Variants in LRCH3 observed in about 807,000 individuals in gnomAD.
LRCH3 encodes DISP complex protein LRCH3.
Under a neutral mutation model 104.5 loss-of-function variants are expected in LRCH3, and 68 were observed. The ratio of observed to expected loss-of-function variants is 0.65; its 90% CI spans 0.54 to 0.80. LRCH3 has a LOEUF of 0.80. Ranked by LOEUF, LRCH3 falls within the 30% of genes least tolerant of loss-of-function variation. The probability of loss-of-function intolerance (pLI) is 0.00; values close to 1 mark genes in which losing one functional copy is unlikely to be tolerated. For synonymous variants in LRCH3, 344 were observed against 361.3 expected (o/e 0.95, Z 0.54); for missense variants, 951 against 953.9 (o/e 1.00, Z 0.04).
intron 10 of LRCH3, 44 bp downstream of exon 10, chr3:197,839,441 T>C (rs769492228): frequency 2.3e-6 from 3 of 1,280,002 alleles, no homozygotes; most frequent in Non-Finnish European, 2.2e-6. Flanking sequence ...GTCTTAATCA[T>C]GAGAGCATAA....
intron 15 of LRCH3, among the ~76,000 whole-genome samples, chr3:197,861,149 C>T (rs1377565970): frequency 6.6e-6 from 1 of 151,938 alleles, no homozygotes; most frequent in African/African-American, 2.4e-5. Context: ...ATAACCTCAA[C>T]TTTATAACAA....
chr3:197,858,779 AT>A, intron 14 of LRCH3, 54 bp from the exon 15 acceptor site: 2 of 1,422,034 alleles, frequency 1.4e-6, no homozygotes, highest in Non-Finnish European at 2.0e-6. Context: ...CCTGCCTGAC[AT>A]TTGCTAACAT....
intron 12 of LRCH3, among the ~76,000 whole-genome samples, chr3:197,849,498 A>T (rs768874615): frequency 6.6e-6 from 1 of 152,026 alleles, no homozygotes; most frequent in Non-Finnish European, 1.5e-5. Context: ...GTATTTTCAC[A>T]CAAGTCATCT....
Position 197,839,315 on chromosome 3 carries a change from G to A in LRCH3, c.1252-6G>A. ...TAAATTTATTTATTTCTGTCCTCTG[G>A]CCTAGGGTTCACCAGTAAAGCCAGT... On this transcript the variant is annotated splice_polypyrimidine_tract_variant and splice_region_variant and intron_variant, in intron 9 of 20. Transcript: ENST00000425562. The A allele has an allele frequency of 6.3e-7, 1 of 1,581,606 alleles. No homozygotes were observed. The highest frequency in any genetic ancestry group is 1.4e-5 in the African/African-American group (1 of 73,368).
Position 197,793,941 on chromosome 3 carries a change from T to A in LRCH3, c.262+2401T>A, listed in dbSNP as rs145257256. Among the ~76,000 whole-genome samples the A allele has an allele frequency of 6.8e-3, 1,033 of 152,372 alleles. 13 individuals carry two copies. The highest frequency in any genetic ancestry group is 0.01 in the Non-Finnish European group (689 of 68,026). On this transcript the variant is annotated intron_variant, in intron 1 of 20. Coordinates refer to ENST00000425562, the MANE Select transcript of LRCH3 (RefSeq NM_001365715.1). The stretch of plus-strand genomic sequence containing the variant: ...AGATAATTTAATGCCAATGACATCA[T>A]TTATTGAGTGTTCACTATTTGTAAT...
intron 20 of LRCH3, among the ~76,000 whole-genome samples, chr3:197,878,837 A>C (rs776736621): frequency 1.3e-5 from 2 of 152,192 alleles, no homozygotes; most frequent in Non-Finnish European, 2.9e-5. Flanking sequence ...CTTTACTTAA[A>C]CATCCCCACT....
chr3:197,864,402 G>A (rs1465921890), intron 15 of LRCH3, among the ~76,000 whole-genome samples: 1 of 150,220 alleles, frequency 6.7e-6, no homozygotes, highest in Non-Finnish European at 1.5e-5. Context: ...GAGGTTGGGA[G>A]TTCGAGAACG....
intron 1 of LRCH3, among the ~76,000 whole-genome samples, chr3:197,800,245 TAG>T (rs919825842): frequency 2.4e-4 from 36 of 151,890 alleles, no homozygotes; most frequent in African/African-American, 8.7e-4. Context: ...TTTCATATCA[TAG>T]AGAGTGGGAA....
chr3:197,820,686 G>A (rs1159332338), intron 4 of LRCH3, among the ~76,000 whole-genome samples: 9 of 152,166 alleles, frequency 5.9e-5, no homozygotes, highest in Admixed American at 6.6e-5. Flanking sequence ...GCGCACTCTT[G>A]TAGTCCCAGC....
chr3:197,858,948 G>T, intron 15 of LRCH3, 43 bp downstream of exon 15: 1 of 1,498,346 alleles, frequency 6.7e-7, no homozygotes, highest in Non-Finnish European at 9.3e-7. Context: ...TTGGGGAGGA[G>T]GTGGATATAA....
chr3:197,838,563 G>A (rs1444851515), intron 9 of LRCH3, among the ~76,000 whole-genome samples: 4 of 152,018 alleles, frequency 2.6e-5, no homozygotes, highest in East Asian at 1.9e-4. Flanking sequence ...GATTATTTTT[G>A]GTGTTGAAAC....
chr3:197,871,637 T>TA (rs1196445245), intron 19 of LRCH3, 175 bp downstream of exon 19: 54 of 747,270 alleles, frequency 7.2e-5, no homozygotes, highest in Non-Finnish European at 1.0e-4. Context: ...TACAGCTACT[T>TA]ACAGCAGTGC....
intron 8 of LRCH3, among the ~76,000 whole-genome samples, chr3:197,834,592 T>G (rs1027930118): frequency 6.6e-6 from 1 of 152,226 alleles, no homozygotes; most frequent in African/African-American, 2.4e-5. Context: ...GTTTTCCACC[T>G]GCCATCTCCT....
chr3:197,842,645 C>T (rs1737979018), intron 10 of LRCH3, among the ~76,000 whole-genome samples: 1 of 152,070 alleles, frequency 6.6e-6, no homozygotes, highest in Non-Finnish European at 1.5e-5. Context: ...CCGCTACCCA[C>T]ATAGAGTCTA....
intron 4 of LRCH3, among the ~76,000 whole-genome samples, chr3:197,821,220 T>C (rs1158170805): frequency 6.6e-6 from 1 of 152,126 alleles, no homozygotes; most frequent in African/African-American, 2.4e-5. Flanking sequence ...ATGAACCATG[T>C]GGAGGTGATG....
intron 4 of LRCH3, among the ~76,000 whole-genome samples, chr3:197,822,331 C>A (rs1390570144): frequency 6.6e-6 from 1 of 151,984 alleles, no homozygotes; most frequent in Admixed American, 6.6e-5. Context: ...AAATTTCTCC[C>A]TAGGGTTACC....
chr3:197,817,122 A>G (rs1046931217), intron 2 of LRCH3, 54 bp from the exon 3 acceptor site: 20 of 1,520,890 alleles, frequency 1.3e-5, no homozygotes, highest in Non-Finnish European at 1.4e-5. Flanking sequence ...AAGAGAGAAA[A>G]TTTTTCTTCA....
intron 1 of LRCH3, among the ~76,000 whole-genome samples, chr3:197,812,528 T>TTTTTTTTTTTTTTTTTTTTTTTTG (rs1733284471): frequency 6.9e-6 from 1 of 144,512 alleles, no homozygotes; most frequent in Non-Finnish European, 1.5e-5. Context: ...TTTTTTTTTT[T>TTTTTTTTTTTTTTTTTTTTTTTTG]TTAGGTGGAG....
chr3:197,880,135 C>T (rs866350978), intron 20 of LRCH3, among the ~76,000 whole-genome samples: 24 of 150,506 alleles, frequency 1.6e-4, no homozygotes, highest in African/African-American at 3.4e-4. Context: ...TTAGTAAAGA[C>T]GGGGTTTCAC....
Sources: gnomAD v4.1 joint callset for allele counts (sites outside exome capture counted in the v4.1 genomes callset) on GRCh38, gnomAD v4.1.1 for gene constraint, MANE v1.5 for transcripts, NCBI Gene and HGNC (gene_info 2026-07-23, HGNC 2026-07-21) for gene names.